Variants in GLMN observed in about 807,000 individuals in gnomAD.
GLMN encodes glomulin.
In GLMN, 75 loss-of-function variants were observed where a neutral mutation model predicts 87.8. The observed-to-expected ratio is 0.85, with a 90% CI of 0.71 to 1.04. The LOEUF is 1.04. GLMN is among the 50% of genes least tolerant of loss of function. The pLI is 0.00. For synonymous variants in GLMN, 206 were observed against 221.6 expected (o/e 0.93, Z 0.63); for missense variants, 588 against 658.8 (o/e 0.89, Z 1.18).
At chr1:92,357,152 A>G in the GLMN span, among the ~76,000 whole-genome samples, 1 of 152,038 alleles carries the variant, frequency 6.6e-6, no homozygotes, top group East Asian at 1.9e-4. Flanking sequence ...TGCTATGAGT[A>G]AGACTGTGTC....
chr1:92,291,637 G>T, intron 3 of GLMN, 100 bp from the exon 4 acceptor site: 1 of 1,180,262 alleles, frequency 8.5e-7, no homozygotes, highest in South Asian at 1.3e-5. Flanking sequence ...TTCTGAAATA[G>T]GAAGATGAGA....
the GLMN span, among the ~76,000 whole-genome samples, chr1:92,323,292 A>T: frequency 2.0e-5 from 3 of 151,934 alleles, no homozygotes; most frequent in Non-Finnish European, 2.9e-5. Flanking sequence ...TTTATATATC[A>T]GAACCTAGAA....
chr1:92,277,711 C>T (rs116665007), intron 7 of GLMN, among the ~76,000 whole-genome samples: 2,349 of 152,254 alleles, frequency 0.015, 30 homozygotes, highest in Non-Finnish European at 0.026. Context: ...ACGAAGTTTC[C>T]AGTAGGGTGG....
Position 92,295,578 on chromosome 1 carries a change from G to C in GLMN, c.165+1826C>G, listed in dbSNP as rs116087373. ...TATCCTTTTAGAGGCTAGAAACCCA[G>C]TCATTTTTGATGCCTCTCCCTCTCA... On this transcript the variant is annotated intron_variant, in intron 3 of 18. Transcript: ENST00000370360. Among the ~76,000 whole-genome samples, 385 of 152,158 alleles carry C rather than the reference G, an allele frequency of 2.5e-3. 3 individuals carry two copies. Among genetic ancestry groups the C allele is most frequent in the South Asian group, 9.3e-3 (45 of 4,814 alleles).
At chr1:92,254,615 TAAAAA>T (rs919950581) in intron 16 of GLMN, among the ~76,000 whole-genome samples, 2 of 150,352 alleles carry the variant, frequency 1.3e-5, no homozygotes, top group Non-Finnish European at 3.0e-5. Context: ...GCCAATATCT[TAAAAA>T]AAAGAATTTT....
intron 3 of GLMN, among the ~76,000 whole-genome samples, chr1:92,291,893 C>T (rs1239387340): frequency 6.6e-6 from 1 of 152,066 alleles, no homozygotes; most frequent in Non-Finnish European, 1.5e-5. Flanking sequence ...TAAAGAAATC[C>T]AGCCAATGCT....
At chr1:92,254,498 ATGT>A (rs923858341) in intron 16 of GLMN, among the ~76,000 whole-genome samples, 5 of 152,232 alleles carry the variant, frequency 3.3e-5, no homozygotes, top group Non-Finnish European at 1.5e-5. Flanking sequence ...GAAGGAAAAA[ATGT>A]TAAGTGCAGC....
the GLMN span, among the ~76,000 whole-genome samples, chr1:92,368,972 C>T: frequency 6.6e-6 from 1 of 152,172 alleles, no homozygotes; most frequent in Non-Finnish European, 1.5e-5. Flanking sequence ...GCAGTTTCCT[C>T]ATTTGTGATT....
At chr1:92,291,648 C>T (rs1649427340) in intron 3 of GLMN, 111 bp from the exon 4 acceptor site, 2 of 1,021,102 alleles carry the variant, frequency 2.0e-6, no homozygotes, top group Non-Finnish European at 3.1e-6. Context: ...GAAGATGAGA[C>T]AAGTGAAGCC....
At chr1:92,299,199 C>A, upstream of GLMN, 3 of 1,187,830 alleles carry the variant, frequency 2.5e-6, no homozygotes, top group Non-Finnish European at 3.5e-6. Flanking sequence ...GGGCCCCGAT[C>A]TCGAGTTATA....
At chr1:92,321,902 A>AT in the GLMN span, among the ~76,000 whole-genome samples, 1,166 of 125,960 alleles carry the variant, frequency 9.3e-3, 6 homozygotes, top group African/African-American at 0.031. Flanking sequence ...AATTCCTGTA[A>AT]TTTTTTTTTT....
At chr1:92,248,029 G>C (rs747716033) in intron 16 of GLMN, 40 bp from the exon 17 acceptor site, 2 of 831,082 alleles carry the variant, frequency 2.4e-6, no homozygotes, top group Non-Finnish European at 4.2e-6. Context: ...GTTCAACAAT[G>C]ATTGATTGCC....
chr1:92,288,940 T>C lies in GLMN; in HGVS notation c.606A>G (p.Glu202=). ...ATTTCAGTAATTCATCCTTTAACTT[T>C]TCATTTTCCAGTGAGTTTTCTTTGT... ...IDNKENSLEN[E]KLKDELLKFC... The change falls in exon 6 of 19, where the codon GAA becomes GAG. Residue 202 remains glutamate (E), a synonymous_variant. Transcript: ENST00000370360. The C allele has an allele frequency of 6.3e-7, 1 of 1,592,842 alleles. No homozygotes were observed. The highest frequency in any genetic ancestry group is 8.6e-7 in the Non-Finnish European group (1 of 1,160,846).
chr1:92,356,821 G>C, the GLMN span, among the ~76,000 whole-genome samples: 4 of 151,850 alleles, frequency 2.6e-5, no homozygotes, highest in African/African-American at 9.6e-5. Flanking sequence ...CCAGCACTTT[G>C]GGAGGCTAAG....
chr1:92,332,829 C>T, the GLMN span, among the ~76,000 whole-genome samples: 4 of 152,094 alleles, frequency 2.6e-5, no homozygotes, highest in African/African-American at 9.7e-5. Flanking sequence ...AATTAGTGCT[C>T]TATCTGTAAT....
At chr1:92,354,930 T>C in the GLMN span, among the ~76,000 whole-genome samples, 1 of 150,534 alleles carries the variant, frequency 6.6e-6, no homozygotes, top group Non-Finnish European at 1.5e-5. Context: ...TGAGACAGGT[T>C]CTCTGTCACC....
intron 3 of GLMN, among the ~76,000 whole-genome samples, chr1:92,294,976 GCCTGT>G: frequency 6.6e-6 from 1 of 152,336 alleles, no homozygotes; most frequent in South Asian, 2.1e-4. Context: ...ACTGTGCCCA[GCCTGT>G]AGTCAGTTTT....
the GLMN span, among the ~76,000 whole-genome samples, chr1:92,334,316 C>T: frequency 3.9e-4 from 59 of 152,034 alleles, no homozygotes; most frequent in East Asian, 4.6e-3. Flanking sequence ...CAAAGTTAGA[C>T]CTTTTTTGGT....
Position 92,291,525 on chromosome 1 carries a change from T to C in GLMN, c.178A>G (p.Asn60Asp), listed in dbSNP as rs1336094119. 3 of 1,613,752 alleles carry C rather than the reference T, an allele frequency of 1.9e-6. No homozygotes were observed. In the East Asian group the frequency reaches 6.7e-5, roughly 36 times the overall value. ...GGACCAACGAGATTCCAGCCCATAT[T>C]CTTGATGATGACCTGTAAAAACATT... Reference protein sequence around the residue: ...QNEKNKVIIKNMGWNLVGPVV... With the variant: ...QNEKNKVIIKDMGWNLVGPVV... Residue 60 changes from asparagine (N) to aspartate (D), a missense_variant, in exon 4 of 19, where the codon AAT (asparagine) becomes GAT (aspartate). By Grantham distance (23) the Asn-to-Asp change is conservative. Transcript: ENST00000370360.
Sources: gnomAD v4.1 joint callset for allele counts (sites outside exome capture counted in the v4.1 genomes callset) on GRCh38, gnomAD v4.1.1 for gene constraint, MANE v1.5 for transcripts, NCBI Gene and HGNC (gene_info 2026-07-23, HGNC 2026-07-21) for gene names.